JMJD1C: variants seen among roughly 807,000 people sequenced by gnomAD.
JMJD1C encodes jumonji domain-containing protein 1C.
A neutral mutation model predicts 245.3 loss-of-function variants in JMJD1C; 31 were observed. That is an observed-to-expected ratio of 0.13 (90% CI 0.09 to 0.17). The LOEUF (loss-of-function observed/expected upper bound fraction) is 0.17. Among genes scored for constraint, JMJD1C ranks in the 10% least tolerant of loss-of-function variants. The pLI, the probability that JMJD1C is intolerant of heterozygous loss-of-function variation, is 1.00. For missense variants in JMJD1C, 2,691 were observed against 3,000.2 expected (o/e 0.90, Z 2.41); for synonymous variants, 1,057 against 1,017.4 (o/e 1.04, Z -0.74).
intron 2 of JMJD1C, among the ~76,000 whole-genome samples, chr10:63,324,854 C>T (rs1941332931): frequency 6.6e-6 from 1 of 152,168 alleles, no homozygotes; most frequent in East Asian, 1.9e-4. Context: ...AAAGACAGAA[C>T]TTGAACTAGG....
At chr10:63,296,013 A>AGTTTT (rs1554877208) in intron 2 of JMJD1C, among the ~76,000 whole-genome samples, 1 of 84,284 alleles carries the variant, frequency 1.2e-5, no homozygotes. Flanking sequence ...GTATATATAT[A>AGTTTT]TTTTTTTTTT....
intron 2 of JMJD1C, among the ~76,000 whole-genome samples, chr10:63,356,105 T>C (rs1387043371): frequency 2.6e-5 from 4 of 152,192 alleles, no homozygotes; most frequent in Admixed American, 1.3e-4. Context: ...ACAATCTACA[T>C]AGCAGCATAT....
Position 63,207,587 on chromosome 10 carries a change from G to A in JMJD1C, c.4082C>T (p.Ser1361Leu). Residue 1361 changes from serine to leucine, a missense_variant, in exon 10 of 26, where the codon TCA (serine) becomes TTA (leucine). This residue lies in a region of JMJD1C where 1,562 missense variants were observed against 1,490.7 expected (regional missense o/e 1.05). Coordinates refer to ENST00000399262, the MANE Select transcript of JMJD1C (RefSeq NM_032776.3). Reference sequence around the variant, plus strand: ...TTCAGATTTTGTGTGAACACTGTCTGAATTCACATTTGGCAAAATGATTCT... The same window carrying A: ...TTCAGATTTTGTGTGAACACTGTCTAAATTCACATTTGGCAAAATGATTCT... ...TGRIILPNVN[S>L]DSVHTKSEKN... The A allele has an allele frequency of 6.2e-7, 1 of 1,614,150 alleles. No homozygotes were observed.
Position 63,297,519 on chromosome 10 carries a change from A to C in JMJD1C, c.334-32755T>G, listed in dbSNP as rs1228476466. Among the ~76,000 whole-genome samples the C allele has an allele frequency of 2.0e-5, 3 of 152,162 alleles. No homozygotes were observed. The South Asian group carries it at 6.2e-4, about 32-fold the overall frequency. On this transcript the variant is annotated intron_variant, in intron 2 of 25. Transcript: ENST00000399262. ...GATGCAGGACAAGAACTCTGGACCC[A>C]CCAAATGGCAGGACTGAAAGGAGCT... is the stretch of plus-strand genomic sequence containing the variant.
At chr10:63,462,354 T>C (rs1285372765) in intron 1 of JMJD1C, among the ~76,000 whole-genome samples, 1 of 152,154 alleles carries the variant, frequency 6.6e-6, no homozygotes, top group African/African-American at 2.4e-5. Flanking sequence ...AAAATAAAAT[T>C]TTAATCTTAC....
chr10:63,306,248 C>G (rs1217743705), intron 2 of JMJD1C, among the ~76,000 whole-genome samples: 1 of 152,088 alleles, frequency 6.6e-6, no homozygotes. Flanking sequence ...TGCTACCACA[C>G]CGGGCTAATT....
intron 1 of JMJD1C, among the ~76,000 whole-genome samples, chr10:63,446,892 CAAGCCAAAG>C (rs1197829674): frequency 6.6e-6 from 1 of 152,122 alleles, no homozygotes; most frequent in African/African-American, 2.4e-5. Context: ...AAGCACTTTA[CAAGCCAAAG>C]AAGCCAAAGA....
chr10:63,220,041 C>T (rs986034597), intron 3 of JMJD1C, 58 bp from the exon 4 acceptor site: 21 of 1,266,894 alleles, frequency 1.7e-5, no homozygotes, highest in Admixed American at 9.2e-5. Flanking sequence ...TTAATGTTAC[C>T]GACTTTCCCT....
intron 2 of JMJD1C, among the ~76,000 whole-genome samples, chr10:63,285,481 T>G (rs964822146): frequency 3.3e-5 from 5 of 152,190 alleles, no homozygotes; most frequent in African/African-American, 1.2e-4. Context: ...TCAGAAAGAT[T>G]TGAGTCTGAC....
chr10:63,224,020 T>C (rs908644319), intron 3 of JMJD1C, among the ~76,000 whole-genome samples: 1 of 152,176 alleles, frequency 6.6e-6, no homozygotes, highest in Admixed American at 6.5e-5. Context: ...CCAATGGGAT[T>C]ACAGGCATGA....
chr10:63,503,252 G>A lies in JMJD1C; in HGVS notation n.113+18486C>T, dbSNP rs192904652. On this transcript the variant is annotated intron_variant and non_coding_transcript_variant, in intron 1 of 3. Transcript: ENST00000633035. ...AATGTGAAATTCCCTAACTAAAATTGTAGGTTTTTTAGGGGTTTTTGGGGG... is the reference window on the plus strand; with the variant it reads ...AATGTGAAATTCCCTAACTAAAATTATAGGTTTTTTAGGGGTTTTTGGGGG... Among the ~76,000 whole-genome samples, 27 of 152,240 alleles carry A rather than the reference G, an allele frequency of 1.8e-4. No individual in the cohort carries two copies. The East Asian group carries it at 3.1e-3, about 17-fold the overall frequency.
chr10:63,245,476 C>A (rs7077322), intron 3 of JMJD1C, among the ~76,000 whole-genome samples: 7,271 of 49,030 alleles, frequency 0.15, 326 homozygotes, highest in African/African-American at 0.33. Context: ...TGCAGGGGAA[C>A]TCTTTTTTTT....
intron 1 of JMJD1C, among the ~76,000 whole-genome samples, chr10:63,479,142 GTATTA>G (rs1303075440): frequency 1.3e-4 from 19 of 151,708 alleles, no homozygotes; most frequent in African/African-American, 1.7e-4. Flanking sequence ...CACTTTTTAC[GTATTA>G]TATAATTTTT....
chr10:63,259,962 T>C (rs1159035434), intron 3 of JMJD1C, among the ~76,000 whole-genome samples: 1 of 152,122 alleles, frequency 6.6e-6, no homozygotes, highest in Non-Finnish European at 1.5e-5. Context: ...AGTGCAATGG[T>C]GTGATCTCGG....
chr10:63,292,144 ATTTT>A (rs573065816), intron 2 of JMJD1C, among the ~76,000 whole-genome samples: 2 of 56,326 alleles, frequency 3.6e-5, no homozygotes, highest in Non-Finnish European at 6.3e-5. Flanking sequence ...GTAGAGACAG[ATTTT>A]TTTTTTTTTT....
intron 2 of JMJD1C, among the ~76,000 whole-genome samples, chr10:63,320,926 TAGC>T (rs1940776530): frequency 6.6e-6 from 1 of 152,198 alleles, no homozygotes; most frequent in Admixed American, 6.5e-5. Flanking sequence ...GGAAAGTTCA[TAGC>T]CCCACCCCAG....
intron 3 of JMJD1C, among the ~76,000 whole-genome samples, chr10:63,244,414 T>C (rs2133547008): frequency 6.6e-6 from 1 of 152,116 alleles, no homozygotes; most frequent in East Asian, 1.9e-4. Flanking sequence ...GTAAATTATT[T>C]AAAAAGTCTA....
intron 1 of JMJD1C, among the ~76,000 whole-genome samples, chr10:63,415,150 C>A (rs1949727514): frequency 4.6e-5 from 7 of 152,006 alleles, no homozygotes; most frequent in Admixed American, 4.6e-4. Flanking sequence ...ACTTAGAAAA[C>A]CCCACTTAAG....
chr10:63,182,285 T>C (rs185304780), intron 22 of JMJD1C, among the ~76,000 whole-genome samples: 11 of 152,340 alleles, frequency 7.2e-5, no homozygotes, highest in African/African-American at 2.4e-4. Context: ...AGAAGTGGTA[T>C]CACAGAAGCA....
Sources: gnomAD v4.1 joint callset for allele counts (sites outside exome capture counted in the v4.1 genomes callset) on GRCh38, gnomAD v4.1.1 for gene constraint, gnomAD v4.1.1 regional missense constraint, MANE v1.5 for transcripts, NCBI Gene and HGNC (gene_info 2026-07-23, HGNC 2026-07-21) for gene names.